The following PKNOX2 variants were observed in gnomAD, a reference collection of about 807,000 sequenced individuals.
PKNOX2 encodes PBX/knotted 1 homeobox 2.
A neutral mutation model predicts 53.1 loss-of-function variants in PKNOX2; 14 were observed. The ratio of observed to expected loss-of-function variants is 0.26; its 90% CI spans 0.17 to 0.41. The LOEUF (loss-of-function observed/expected upper bound fraction) is 0.41. Among genes scored for constraint, PKNOX2 ranks in the 10% least tolerant of loss-of-function variants. The pLI is 1.00. For synonymous variants in PKNOX2, 257 were observed against 242.8 expected, an observed-to-expected ratio of 1.06 and a Z score of -0.54; for missense variants, 496 against 602.8, an observed-to-expected ratio of 0.82 and a Z score of 1.85.
At chr11:125,181,355 G>GT (rs2135275004) in intron 1 of PKNOX2, among the ~76,000 whole-genome samples, 1 of 152,364 alleles carries the variant, frequency 6.6e-6, no homozygotes, top group East Asian at 1.9e-4. Flanking sequence ...AAGGGAGGAG[G>GT]TTACACTGCA....
At chr11:125,299,484 C>T (rs1947885202) in intron 2 of PKNOX2, among the ~76,000 whole-genome samples, 3 of 151,956 alleles carry the variant, frequency 2.0e-5, no homozygotes, top group South Asian at 2.1e-4. Flanking sequence ...CAGGGAAGGG[C>T]GGGGTGACAG....
At chr11:125,182,563 T>C (rs4936987) in intron 1 of PKNOX2, among the ~76,000 whole-genome samples, 62,303 of 152,022 alleles carry the variant, frequency 0.41, 12,851 homozygotes, top group Non-Finnish European at 0.45. Flanking sequence ...ACTTCAATGG[T>C]CCAAGGCAAA....
intron 1 of PKNOX2, among the ~76,000 whole-genome samples, chr11:125,220,665 C>T (rs544088264): frequency 1.3e-5 from 2 of 152,170 alleles, no homozygotes; most frequent in African/African-American, 2.4e-5. Flanking sequence ...GCAATTCTCC[C>T]GTCATACCTT....
chr11:125,289,958 ATCTGTT>A (rs1459285709), intron 2 of PKNOX2, among the ~76,000 whole-genome samples: 1 of 152,122 alleles, frequency 6.6e-6, no homozygotes, highest in African/African-American at 2.4e-5. Flanking sequence ...GGCAACCACA[ATCTGTT>A]TCTATTTCAT....
intron 1 of PKNOX2, among the ~76,000 whole-genome samples, chr11:125,204,238 G>T (rs940192176): frequency 1.3e-5 from 2 of 152,172 alleles, no homozygotes; most frequent in African/African-American, 4.8e-5. Flanking sequence ...GCAGGGCCTT[G>T]GTTTTGGAGT....
chr11:125,412,241 C>T (rs1020907779), intron 10 of PKNOX2, among the ~76,000 whole-genome samples: 1 of 152,198 alleles, frequency 6.6e-6, no homozygotes, highest in Admixed American at 6.5e-5. Context: ...CGCAGCCACG[C>T]TCACCGTGCC....
At chr11:125,202,681 C>A (rs1410391367) in intron 1 of PKNOX2, among the ~76,000 whole-genome samples, 1 of 135,126 alleles carries the variant, frequency 7.4e-6, no homozygotes, top group South Asian at 2.8e-4. Flanking sequence ...GGGGAGGAGC[C>A]GTGGAATGTG....
intron 2 of PKNOX2, among the ~76,000 whole-genome samples, chr11:125,243,600 T>C (rs1943325310): frequency 6.6e-6 from 1 of 151,980 alleles, no homozygotes; most frequent in South Asian, 2.1e-4. Context: ...TGAGGGAGTC[T>C]ATCACAGTAT....
intron 10 of PKNOX2, among the ~76,000 whole-genome samples, chr11:125,417,363 C>T (rs1287460158): frequency 1.3e-5 from 2 of 152,020 alleles, no homozygotes; most frequent in Non-Finnish European, 2.9e-5. Context: ...GAGACCAGGC[C>T]CCAGCAGGCC....
chr11:125,213,540 C>T (rs1162659037), intron 1 of PKNOX2, among the ~76,000 whole-genome samples: 4 of 152,106 alleles, frequency 2.6e-5, no homozygotes, highest in South Asian at 2.1e-4. Context: ...TCACTGAAGT[C>T]TCTGCCCCCT....
chr11:125,431,076 T>C, intron 12 of PKNOX2, 90 bp from the exon 13 acceptor site: 1 of 1,505,610 alleles, frequency 6.6e-7, no homozygotes. Flanking sequence ...CACTGCTCTA[T>C]GAGCCAGTCC....
intron 1 of PKNOX2, among the ~76,000 whole-genome samples, chr11:125,218,333 G>T (rs1940764641): frequency 6.6e-6 from 1 of 151,320 alleles, no homozygotes. Flanking sequence ...TGGGGGCTCG[G>T]CCATGTAAAA....
chr11:125,341,599 T>A (rs1011323746), intron 3 of PKNOX2, among the ~76,000 whole-genome samples: 1 of 152,124 alleles, frequency 6.6e-6, no homozygotes, highest in African/African-American at 2.4e-5. Context: ...CACAGAAACA[T>A]GCATGATGAT....
At chr11:125,271,987 C>T (rs1945825038) in intron 2 of PKNOX2, among the ~76,000 whole-genome samples, 1 of 152,230 alleles carries the variant, frequency 6.6e-6, no homozygotes, top group Non-Finnish European at 1.5e-5. Context: ...GTGGCAGGGC[C>T]ATAGACCTCT....
intron 2 of PKNOX2, among the ~76,000 whole-genome samples, chr11:125,315,279 T>C (rs563028912): frequency 1.4e-4 from 19 of 140,204 alleles, no homozygotes; most frequent in Non-Finnish European, 2.9e-4. Flanking sequence ...TGCTCAAACA[T>C]TCACTTTACT....
chr11:125,256,889 C>T (rs1016147960), intron 2 of PKNOX2, among the ~76,000 whole-genome samples: 3 of 152,162 alleles, frequency 2.0e-5, no homozygotes, highest in Non-Finnish European at 4.4e-5. Flanking sequence ...AACATCAAAG[C>T]TTTCCTTGTG....
At chr11:125,335,228 C>T (rs1385865660) in intron 3 of PKNOX2, among the ~76,000 whole-genome samples, 2 of 152,232 alleles carry the variant, frequency 1.3e-5, no homozygotes, top group Admixed American at 6.5e-5. Context: ...CCCCTCTGAA[C>T]TCCCTGTAGG....
At chr11:125,284,577 C>T (rs1377530844) in intron 2 of PKNOX2, among the ~76,000 whole-genome samples, 2 of 152,188 alleles carry the variant, frequency 1.3e-5, no homozygotes, top group Admixed American at 1.3e-4. Context: ...TGGTAAGTTG[C>T]TAATCAGAAA....
intron 2 of PKNOX2, among the ~76,000 whole-genome samples, chr11:125,303,914 A>G (rs983024579): frequency 4.6e-5 from 7 of 152,342 alleles, no homozygotes; most frequent in Admixed American, 6.5e-5. Context: ...TCCATCAGCA[A>G]ACATTCTCTT....
Sources: allele counts gnomAD v4.1 joint callset (sites outside exome capture counted in the v4.1 genomes callset), GRCh38; gene constraint gnomAD v4.1.1; transcripts MANE v1.5; gene names NCBI Gene and HGNC (gene_info 2026-07-23, HGNC 2026-07-21).